NUP160: variants seen among roughly 807,000 people sequenced by gnomAD.
NUP160 encodes nuclear pore complex protein Nup160.
A neutral mutation model predicts 196.9 loss-of-function variants in NUP160; 94 were observed. The observed-to-expected ratio is 0.48, with a 90% CI of 0.40 to 0.57. NUP160 has a LOEUF of 0.57. Ranked by LOEUF, NUP160 falls within the 20% of genes least tolerant of loss-of-function variation. NUP160 has a pLI of 0.00. For missense variants in NUP160, 1,638 were observed against 1,748.3 expected (o/e 0.94, Z 1.13); for synonymous variants, 605 against 619.7 (o/e 0.98, Z 0.35).
At chr11:47,811,636 A>G (rs1001741613) in intron 17 of NUP160, among the ~76,000 whole-genome samples, 3 of 152,114 alleles carry the variant, frequency 2.0e-5, no homozygotes, top group Non-Finnish European at 4.4e-5. Context: ...TACACATACA[A>G]AGGTTAAGAG....
chr11:47,804,321 C>T (rs1369987987), intron 21 of NUP160: 5 of 445,764 alleles, frequency 1.1e-5, no homozygotes, highest in East Asian at 3.9e-5. Context: ...ATTCTCTCAG[C>T]CAAGTACTAA....
At chr11:47,828,934 C>A (rs552344124) in intron 7 of NUP160, among the ~76,000 whole-genome samples, 10 of 151,702 alleles carry the variant, frequency 6.6e-5, no homozygotes, top group Non-Finnish European at 1.2e-4. Flanking sequence ...AAAAAAAACC[C>A]CACAAAACTA....
chr11:47,794,159 A>G (rs1246381089), intron 27 of NUP160, among the ~76,000 whole-genome samples: 3 of 152,190 alleles, frequency 2.0e-5, no homozygotes, highest in Non-Finnish European at 4.4e-5. Flanking sequence ...TGGTTACACA[A>G]TATTGTGAAT....
At position 47,779,097 on chromosome 11, in the gene NUP160, A is replaced by C. The variant is rs369088542; in HGVS notation, c.*8T>G. On this transcript the variant is annotated 3_prime_UTR_variant, in exon 36 of 36. Transcript: ENST00000378460. ...CAAGCGGTTACAAAGGCTAGGTGAC[A>C]ATCCAAATCACAAGGTCCGACGATA... is the stretch of plus-strand genomic sequence containing the variant. 25 of 1,608,746 alleles carry C rather than the reference A, an allele frequency of 1.6e-5. No individual in the cohort carries two copies. In the African/African-American group the frequency reaches 3.1e-4, roughly 20 times the overall value.
intron 7 of NUP160, among the ~76,000 whole-genome samples, chr11:47,831,894 C>CTTTTTTTTT (rs554204043): frequency 2.9e-5 from 2 of 69,982 alleles, no homozygotes; most frequent in African/African-American, 1.2e-4. Flanking sequence ...TAATAAATTC[C>CTTTTTTTTT]TTTTTTTTTT....
intron 2 of NUP160, among the ~76,000 whole-genome samples, 153 bp from the exon 3 acceptor site, chr11:47,840,741 T>C (rs76313208): frequency 1.2e-4 from 18 of 152,356 alleles, no homozygotes; most frequent in East Asian, 1.9e-4. Context: ...AATCACATTA[T>C]GTACATTTAT....
At chr11:47,792,975 G>A in intron 27 of NUP160, 29 bp from the exon 28 acceptor site, 1 of 1,583,044 alleles carries the variant, frequency 6.3e-7, no homozygotes, top group South Asian at 1.2e-5. Context: ...TTAGACTTTA[G>A]AACTTCCAAA....
At position 47,848,114 on chromosome 11, in the gene NUP160, G is replaced by T. The variant is rs1263285238; in HGVS notation, c.202+105C>A. 5 of 1,369,088 alleles carry T rather than the reference G, an allele frequency of 3.7e-6. No homozygotes were observed. In the East Asian group the frequency reaches 1.1e-4, roughly 31 times the overall value. 84.8% of individuals were successfully genotyped at this position (1,369,088 alleles called of 1,614,324 possible). ...GGAATCTCTGATCCCGGGGCTAGAG[G>T]CATGTGGACTCAGGAGGATGAAACA... On this transcript the variant is annotated intron_variant, in intron 1 of 35. Transcript: ENST00000378460.
chr11:47,783,667 T>C (rs1467047387), intron 33 of NUP160, among the ~76,000 whole-genome samples: 2 of 152,186 alleles, frequency 1.3e-5, no homozygotes, highest in African/African-American at 4.8e-5. Flanking sequence ...GCATGCTTTC[T>C]ATATTCCCAT....
intron 2 of NUP160, among the ~76,000 whole-genome samples, chr11:47,846,147 A>G (rs1023289216): frequency 5.9e-5 from 9 of 151,504 alleles, no homozygotes; most frequent in Admixed American, 5.9e-4. Flanking sequence ...AAAAGAAAAA[A>G]AAAAAAAAGC....
In NUP160 at chr11:47,807,423, T is replaced by C. The variant is rs894814963; in HGVS notation, c.2376-283A>G. Among the ~76,000 whole-genome samples, 12 of 152,272 alleles carry C rather than the reference T, an allele frequency of 7.9e-5. No individual in the cohort carries two copies. The East Asian group carries it at 2.1e-3, about 27-fold the overall frequency. On this transcript the variant is annotated intron_variant, in intron 18 of 35. Transcript: ENST00000378460. ...GCTCATGCCTGTAATCCCAGCACTA[T>C]GGGAGGCTGAGGCGGGTGGATCACC...
intron 5 of NUP160, 95 bp downstream of exon 5, chr11:47,837,450 T>C (rs1452325762): frequency 2.1e-6 from 2 of 930,806 alleles, no homozygotes; most frequent in African/African-American, 3.3e-5. Context: ...CAGTATAATG[T>C]TTGCCTTGGA....
chr11:47,835,762 C>A, exon 7 of NUP160: 1 of 1,604,094 alleles, frequency 6.2e-7, no homozygotes, highest in East Asian at 2.3e-5. Flanking sequence ...GGTCTTTCTT[C>A]ACAGGGACAT....
At chr11:47,844,357 C>T (rs1381298204) in intron 2 of NUP160, among the ~76,000 whole-genome samples, 1 of 152,188 alleles carries the variant, frequency 6.6e-6, no homozygotes. Context: ...AGCTTCTTCT[C>T]ATCTTACTCA....
chr11:47,836,862 C>T (rs1852185969), intron 6 of NUP160, 25 bp downstream of exon 6: 3 of 1,336,880 alleles, frequency 2.2e-6, no homozygotes, highest in Non-Finnish European at 3.2e-6. Context: ...TTTTAACTTA[C>T]AGCAACTATA....
intron 7 of NUP160, among the ~76,000 whole-genome samples, chr11:47,831,879 T>G (rs1852082900): frequency 7.6e-6 from 1 of 132,104 alleles, no homozygotes; most frequent in African/African-American, 2.8e-5. Flanking sequence ...GAGACAGATC[T>G]GATCTAATAA....
chr11:47,847,990 G>T (rs370460929), intron 1 of NUP160, 31 bp from the exon 2 acceptor site: 1 of 1,539,202 alleles, frequency 6.5e-7, no homozygotes, highest in Non-Finnish European at 9.0e-7. Context: ...GCCTGCACAC[G>T]CGTCTTCTGA....
intron 21 of NUP160, among the ~76,000 whole-genome samples, chr11:47,804,119 T>C (rs1334286316): frequency 2.0e-5 from 3 of 150,840 alleles, no homozygotes; most frequent in East Asian, 1.9e-4. Context: ...AGGTGGAGGC[T>C]GCAGTGAGCC....
At chr11:47,790,361 G>A (rs1410213621) in intron 29 of NUP160, among the ~76,000 whole-genome samples, 1 of 152,072 alleles carries the variant, frequency 6.6e-6, no homozygotes, top group Non-Finnish European at 1.5e-5. Context: ...CCGAGTTCAA[G>A]CAATTCTCCT....
Sources: allele counts gnomAD v4.1 joint callset (sites outside exome capture counted in the v4.1 genomes callset), GRCh38; gene constraint gnomAD v4.1.1; transcripts MANE v1.5; gene names NCBI Gene and HGNC (gene_info 2026-07-23, HGNC 2026-07-21).